C1QTNF3: variants seen among roughly 807,000 people sequenced by gnomAD.
The protein encoded by C1QTNF3 is complement C1q tumor necrosis factor-related protein 3.
Under a neutral mutation model 32.6 loss-of-function variants are expected in C1QTNF3, and 26 were observed. That is an observed-to-expected ratio of 0.80 (90% confidence interval 0.58 to 1.11). C1QTNF3 has a LOEUF of 1.11. Among genes scored for constraint, C1QTNF3 ranks in the 50% least tolerant of loss-of-function variants. C1QTNF3 has a pLI of 0.00. For missense variants in C1QTNF3, 362 were observed against 398.2 expected (o/e 0.91, Z 0.77); for synonymous variants, 155 against 146.0 (o/e 1.06, Z -0.44).
chr5:34,219,598 C>A, the C1QTNF3 span, among the ~76,000 whole-genome samples: 1 of 151,108 alleles, frequency 6.6e-6, no homozygotes, highest in African/African-American at 2.4e-5. Context: ...TTTGAAACAT[C>A]GAATAATATA....
the C1QTNF3 span, among the ~76,000 whole-genome samples, chr5:34,197,658 T>C: frequency 2.0e-5 from 3 of 152,112 alleles, no homozygotes; most frequent in Admixed American, 2.0e-4. Flanking sequence ...TGAGTAAAGG[T>C]TGCTGTCATG....
chr5:34,159,540 C>G, the C1QTNF3 span, among the ~76,000 whole-genome samples: 2 of 152,012 alleles, frequency 1.3e-5, no homozygotes, highest in South Asian at 2.1e-4. Context: ...GAAAGATGCA[C>G]AGGTTCCAGA....
the C1QTNF3 span, among the ~76,000 whole-genome samples, chr5:34,205,677 G>A: frequency 6.6e-6 from 1 of 150,792 alleles, no homozygotes; most frequent in Non-Finnish European, 1.5e-5. Flanking sequence ...AATTACCTAG[G>A]ATCAGGTAGT....
the C1QTNF3 span, among the ~76,000 whole-genome samples, chr5:34,050,076 C>T: frequency 6.6e-6 from 1 of 152,180 alleles, no homozygotes; most frequent in Non-Finnish European, 1.5e-5. Flanking sequence ...GAAGAATAAT[C>T]CAGTGATTCT....
chr5:34,082,697 C>A, the C1QTNF3 span, among the ~76,000 whole-genome samples: 1 of 151,676 alleles, frequency 6.6e-6, no homozygotes, highest in Admixed American at 6.6e-5. Context: ...CTATTAATAA[C>A]CTGCGTCTGA....
At chr5:34,209,540 T>A in the C1QTNF3 span, among the ~76,000 whole-genome samples, 1 of 151,828 alleles carries the variant, frequency 6.6e-6, no homozygotes, top group Admixed American at 6.6e-5. Flanking sequence ...ATAATCTGAA[T>A]ATTATTACTA....
In C1QTNF3 at chr5:34,020,474, AT is replaced by A; in HGVS notation, c.*108del. 1 of 1,332,868 alleles carries A rather than the reference AT, an allele frequency of 7.5e-7. No individual in the cohort carries two copies. Among genetic ancestry groups the A allele is most frequent in the Non-Finnish European group, 1.0e-6 (1 of 964,104 alleles). The allele number at this position is 1,332,868 out of a possible 1,614,324, so 82.6% of individuals were successfully genotyped here. A position where few individuals can be genotyped will look rare whatever the true frequency, so the allele number is the denominator to read the frequency against. On this transcript the variant is annotated 3_prime_UTR_variant, in exon 6 of 6. Coordinates refer to ENST00000382065, the MANE Select transcript of C1QTNF3 (RefSeq NM_181435.6). ...AGCGTGAACAACATTGCAACCAATA[AT>A]TTTTTGAATACAGCAATGTAAAACC...
the C1QTNF3 span, among the ~76,000 whole-genome samples, chr5:34,063,359 CTG>C: frequency 6.6e-6 from 1 of 151,966 alleles, no homozygotes; most frequent in Non-Finnish European, 1.5e-5. Context: ...TCCTCTGTCT[CTG>C]TCTCTCTCCT....
the C1QTNF3 span, among the ~76,000 whole-genome samples, chr5:34,100,716 C>G: frequency 2.0e-5 from 3 of 147,204 alleles, no homozygotes; most frequent in Non-Finnish European, 4.5e-5. Context: ...TACCTAAATA[C>G]AAGAATGAAA....
At chr5:34,088,746 A>C in the C1QTNF3 span, among the ~76,000 whole-genome samples, 1 of 152,110 alleles carries the variant, frequency 6.6e-6, no homozygotes, top group Non-Finnish European at 1.5e-5. Flanking sequence ...TCCCGGGCTC[A>C]AGCAATCCTC....
chr5:34,071,125 T>G, the C1QTNF3 span, among the ~76,000 whole-genome samples: 1 of 152,320 alleles, frequency 6.6e-6, no homozygotes, highest in Middle Eastern at 3.4e-3. Context: ...TGACACTAAT[T>G]GCCGGTAAAC....
the C1QTNF3 span, among the ~76,000 whole-genome samples, chr5:34,123,101 C>T: frequency 6.6e-6 from 1 of 152,056 alleles, no homozygotes; most frequent in Non-Finnish European, 1.5e-5. Flanking sequence ...TCAAAGGATG[C>T]CCTGAGAGAG....
chr5:34,132,433 A>ATGTG, the C1QTNF3 span, among the ~76,000 whole-genome samples: 1 of 33,848 alleles, frequency 3.0e-5, no homozygotes, highest in African/African-American at 9.4e-5. Context: ...GTGTATGTGT[A>ATGTG]TGTATATATA....
chr5:34,091,153 AC>A, the C1QTNF3 span, among the ~76,000 whole-genome samples: 1 of 152,094 alleles, frequency 6.6e-6, no homozygotes, highest in East Asian at 1.9e-4. Flanking sequence ...GAAATGACCT[AC>A]CCCGCTTTGA....
Position 34,040,827 on chromosome 5 carries a change from T to C in C1QTNF3, c.303+1996A>G, listed in dbSNP as rs181071299. 2.8e-5 allele frequency among the ~76,000 whole-genome samples: 4 copies of C among 141,872 alleles called. No individual in the cohort carries two copies. In the South Asian group the frequency reaches 8.5e-4, roughly 30 times the overall value. The allele number at this position is 141,872 out of a possible 152,430, so 93.1% of individuals were successfully genotyped here. On this transcript the variant is annotated intron_variant, in intron 1 of 5. Coordinates refer to ENST00000382065, the MANE Select transcript of C1QTNF3 (RefSeq NM_181435.6). ...CTCTGTTGCAGCACTTTTTTTTTTT[T>C]AATTTGCTGTGGATAGTCATTCTTT... is the stretch of plus-strand genomic sequence containing the variant.
the C1QTNF3 span, among the ~76,000 whole-genome samples, chr5:34,056,437 T>TGC: frequency 7.0e-5 from 3 of 42,660 alleles, no homozygotes; most frequent in South Asian, 2.8e-3. Flanking sequence ...TGTGTGTGTG[T>TGC]GTGTGTGTGT....
the C1QTNF3 span, among the ~76,000 whole-genome samples, chr5:34,241,983 A>AGGAG: frequency 2.7e-5 from 4 of 150,374 alleles, no homozygotes; most frequent in African/African-American, 9.8e-5. Flanking sequence ...GAAGGAAGGA[A>AGGAG]GGAAGGAAGG....
At chr5:34,134,411 G>A in the C1QTNF3 span, among the ~76,000 whole-genome samples, 2 of 152,036 alleles carry the variant, frequency 1.3e-5, no homozygotes, top group Admixed American at 1.3e-4. Flanking sequence ...CATGTTCATA[G>A]AGGAGAAGAT....
the C1QTNF3 span, among the ~76,000 whole-genome samples, chr5:34,182,472 CACAAATAAATAA>C: frequency 4.0e-5 from 6 of 150,590 alleles, no homozygotes; most frequent in Admixed American, 6.6e-5. Context: ...GTGAGACCAT[CACAAATAAATAA>C]ATAAATAAAT....
Sources: allele counts gnomAD v4.1 joint callset (sites outside exome capture counted in the v4.1 genomes callset), GRCh38; gene constraint gnomAD v4.1.1; transcripts MANE v1.5; gene names NCBI Gene and HGNC (gene_info 2026-07-23, HGNC 2026-07-21).